ADGB: variants seen among roughly 807,000 people sequenced by gnomAD.
The protein encoded by ADGB is calpain-7-like protein.
In ADGB, 172 loss-of-function variants were observed where a neutral mutation model predicts 210.5. The ratio of observed to expected loss-of-function variants is 0.82; its 90% CI spans 0.72 to 0.93. ADGB has a LOEUF of 0.93. ADGB is among the 40% of genes least tolerant of loss of function. The pLI is 0.00. For missense variants in ADGB, 2,025 were observed against 1,964.8 expected (o/e 1.03, Z -0.58); for synonymous variants, 658 against 662.7 (o/e 0.99, Z 0.11).
chr6:146,752,442 C>T, intron 26 of ADGB, 88 bp from the exon 27 acceptor site: 4 of 1,206,966 alleles, frequency 3.3e-6, no homozygotes, highest in Admixed American at 5.4e-5. Flanking sequence ...CAGATTTGGG[C>T]AGGGACATAT....
At chr6:146,754,230 A>G (rs1365161375) in intron 27 of ADGB, among the ~76,000 whole-genome samples, 1 of 151,252 alleles carries the variant, frequency 6.6e-6, no homozygotes, top group African/African-American at 2.4e-5. Context: ...ATGGGTTTGT[A>G]TAAATATAAT....
chr6:146,733,853 A>C (rs1461519169), intron 21 of ADGB, 40 bp from the exon 22 acceptor site: 1 of 1,550,454 alleles, frequency 6.4e-7, no homozygotes, highest in Non-Finnish European at 8.7e-7. Context: ...GAAGGGATTA[A>C]ATATAACTTT....
chr6:146,773,743 T>TATC (rs144745701), intron 29 of ADGB, among the ~76,000 whole-genome samples: 2,259 of 152,334 alleles, frequency 0.015, 56 homozygotes, highest in African/African-American at 0.052. Flanking sequence ...TCTTCCACCA[T>TATC]ATCATGTAAG....
intron 3 of ADGB, among the ~76,000 whole-genome samples, chr6:146,651,591 T>C (rs965600350): frequency 3.9e-5 from 6 of 152,166 alleles, no homozygotes; most frequent in Non-Finnish European, 7.3e-5. Flanking sequence ...AATGGCTATC[T>C]TGAATATTTG....
chr6:146,733,290 T>C (rs1448124410), intron 21 of ADGB, 35 bp downstream of exon 21: 1 of 1,436,890 alleles, frequency 7.0e-7, no homozygotes, highest in East Asian at 2.6e-5. Flanking sequence ...ATCAAGGAAT[T>C]CCTAGTTTTA....
At chr6:146,619,118 T>G (rs548280788) in intron 1 of ADGB, among the ~76,000 whole-genome samples, 17 of 152,152 alleles carry the variant, frequency 1.1e-4, no homozygotes, top group African/African-American at 3.4e-4. Flanking sequence ...ACCATATATA[T>G]ATAGATAGAT....
At position 146,782,200 on chromosome 6, in the gene ADGB, T is replaced by C. The variant is rs368907892; in HGVS notation, c.4035+8T>C. 6.6e-7 allele frequency: 1 copy of C among 1,511,440 alleles called. No homozygotes were observed. The highest frequency in any genetic ancestry group is 1.4e-5 in the African/African-American group (1 of 70,500). 93.6% of individuals were successfully genotyped at this position (1,511,440 alleles called of 1,614,324 possible). ...CCTCGCTTTGAGCCTCAGGTGGGTG[T>C]GGAATTTTTTTTATTTGAGTGACTT... On this transcript the variant is annotated splice_region_variant and intron_variant, in intron 30 of 35. Coordinates refer to ENST00000397944, the MANE Select transcript of ADGB (RefSeq NM_024694.4).
chr6:146,647,115 A>AAAAAAAAAAAAAAAC (rs1562263814), intron 3 of ADGB, among the ~76,000 whole-genome samples: 3 of 147,930 alleles, frequency 2.0e-5, no homozygotes, highest in African/African-American at 7.7e-5. Flanking sequence ...CAAAAAACAA[A>AAAAAAAAAAAAAAAC]AAACAAACAA....
At chr6:146,793,035 G>A (rs1777974961) in intron 33 of ADGB, among the ~76,000 whole-genome samples, 1 of 152,072 alleles carries the variant, frequency 6.6e-6, no homozygotes, top group South Asian at 2.1e-4. Context: ...AACATGGAAG[G>A]GGACCCAAGC....
chr6:146,653,970 A>T (rs1260800736), intron 3 of ADGB, among the ~76,000 whole-genome samples, 165 bp from the exon 4 acceptor site: 1 of 152,152 alleles, frequency 6.6e-6, no homozygotes, highest in Non-Finnish European at 1.5e-5. Flanking sequence ...AACGCTAAGC[A>T]TGTGGGAGTT....
intron 27 of ADGB, among the ~76,000 whole-genome samples, chr6:146,755,295 A>G (rs1463868667): frequency 6.6e-6 from 1 of 152,034 alleles, no homozygotes; most frequent in Non-Finnish European, 1.5e-5. Context: ...ACAATGATAT[A>G]TGGACTGGCT....
chr6:146,763,805 C>T (rs981381753), intron 27 of ADGB, 96 bp from the exon 28 acceptor site: 6 of 1,111,382 alleles, frequency 5.4e-6, no homozygotes, highest in Non-Finnish European at 7.5e-6. Context: ...TTGACCTATT[C>T]CTTTGAGTGT....
intron 6 of ADGB, among the ~76,000 whole-genome samples, chr6:146,665,140 A>T (rs1233456703): frequency 1.3e-5 from 2 of 152,062 alleles, no homozygotes; most frequent in African/African-American, 4.8e-5. Flanking sequence ...ATTTAACAGG[A>T]CACACCCACA....
At chr6:146,804,410 A>C (rs1336092611) in intron 35 of ADGB, among the ~76,000 whole-genome samples, 2 of 151,942 alleles carry the variant, frequency 1.3e-5, no homozygotes, top group Non-Finnish European at 2.9e-5. Flanking sequence ...TCCAATAGGC[A>C]CCTCAAACAG....
At chr6:146,647,108 A>AAC (rs1172640547) in intron 3 of ADGB, among the ~76,000 whole-genome samples, 1 of 150,336 alleles carries the variant, frequency 6.7e-6, no homozygotes, top group Admixed American at 6.6e-5. Context: ...CAAAAAACAA[A>AAC]AAACAAAAAA....
At chr6:146,727,391 C>T (rs1776912746) in intron 19 of ADGB, among the ~76,000 whole-genome samples, 1 of 152,136 alleles carries the variant, frequency 6.6e-6, no homozygotes, top group Non-Finnish European at 1.5e-5. Flanking sequence ...GCTCAACAGC[C>T]ACAGCAAGAT....
At position 146,623,916 on chromosome 6, in the gene ADGB, A is replaced by C. The variant is rs555193091; in HGVS notation, c.75-11459A>C. 2.6e-5 allele frequency among the ~76,000 whole-genome samples: 4 copies of C among 152,042 alleles called. No homozygotes were observed. In the East Asian group the frequency reaches 7.7e-4, roughly 29 times the overall value. Reference sequence around the variant, plus strand: ...TATTGAACTAACTATTCCTGGGATAAACTCTAATTGATCATGATGTATTTT... The same window carrying C: ...TATTGAACTAACTATTCCTGGGATACACTCTAATTGATCATGATGTATTTT... On this transcript the variant is annotated intron_variant, in intron 1 of 35. Transcript: ENST00000397944.
At chr6:146,635,690 TC>T (rs1345927740) in intron 2 of ADGB, among the ~76,000 whole-genome samples, 153 bp downstream of exon 2, 1 of 152,022 alleles carries the variant, frequency 6.6e-6, no homozygotes, top group African/African-American at 2.4e-5. Context: ...CTCCCAACAC[TC>T]CCACTTTGTC....
chr6:146,654,808 A>G (rs7761564), intron 4 of ADGB, among the ~76,000 whole-genome samples: 2 of 152,200 alleles, frequency 1.3e-5, no homozygotes, highest in African/African-American at 4.8e-5. Context: ...GTGTGTGTGT[A>G]TATGTGTGTT....
Sources: gnomAD v4.1 joint callset for allele counts (sites outside exome capture counted in the v4.1 genomes callset) on GRCh38, gnomAD v4.1.1 for gene constraint, MANE v1.5 for transcripts, NCBI Gene and HGNC (gene_info 2026-07-23, HGNC 2026-07-21) for gene names.